The following ZRANB3 variants were observed in gnomAD, a reference collection of about 807,000 sequenced individuals.
ZRANB3 encodes zinc finger RANBP2-type containing 3.
ZRANB3 carries 125 observed loss-of-function variants against 133.8 expected under a neutral mutation model. The observed-to-expected ratio is 0.93, with a 90% CI of 0.81 to 1.08. ZRANB3 has a LOEUF of 1.08. ZRANB3 is among the 50% of genes least tolerant of loss of function. The pLI, the probability that ZRANB3 is intolerant of heterozygous loss-of-function variation, is 0.00. For missense variants in ZRANB3, 1,229 were observed against 1,275.5 expected, an observed-to-expected ratio of 0.96 and a Z score of 0.56; for synonymous variants, 387 against 432.7, an observed-to-expected ratio of 0.89 and a Z score of 1.31.
At position 135,275,709 on chromosome 2, in the gene ZRANB3, G is replaced by A. The variant is rs61733463; in HGVS notation, c.1013C>T (p.Ser338Leu). The A allele has an allele frequency of 7.7e-4, 1,233 of 1,605,094 alleles. 3 individuals carry two copies. The African/African-American group carries it at 7.7e-3, about 10-fold the overall frequency. ...DYIKMMLQND[S>L]LKFLVFAHHL... ...GTGAGCAAAAACCAGAAATTTAAGC[G>A]AATCATTCTGAAGCATCATCTTAAT... Residue 338 changes from serine to leucine, a missense_variant, in exon 9 of 21, where the codon TCG becomes TTG. Coordinates refer to ENST00000264159, the MANE Select transcript of ZRANB3 (RefSeq NM_032143.4).
chr2:135,292,109 C>T (rs1435391151), intron 8 of ZRANB3, among the ~76,000 whole-genome samples: 1 of 152,008 alleles, frequency 6.6e-6, no homozygotes, highest in South Asian at 2.1e-4. Context: ...GGGTATATAC[C>T]CAGTAATGGG....
At chr2:135,486,198 CT>C (rs1692113052) in intron 2 of ZRANB3, among the ~76,000 whole-genome samples, 1 of 152,130 alleles carries the variant, frequency 6.6e-6, no homozygotes, top group Non-Finnish European at 1.5e-5. Flanking sequence ...GCATACACTG[CT>C]GTTTGAAAGC....
chr2:135,466,890 T>C (rs954248215), intron 2 of ZRANB3, among the ~76,000 whole-genome samples: 10 of 152,090 alleles, frequency 6.6e-5, no homozygotes, highest in Non-Finnish European at 1.5e-5. Context: ...TTGCCCAGGC[T>C]GCAAGTGATC....
chr2:135,211,642 C>G (rs1221607673), intron 17 of ZRANB3, among the ~76,000 whole-genome samples: 1 of 152,152 alleles, frequency 6.6e-6, no homozygotes, highest in Admixed American at 6.5e-5. Context: ...ATACACTAAT[C>G]TTCACCTTGC....
chr2:135,315,014 A>T (rs1683185427), intron 7 of ZRANB3, among the ~76,000 whole-genome samples: 1 of 152,050 alleles, frequency 6.6e-6, no homozygotes, highest in South Asian at 2.1e-4. Flanking sequence ...TGATCTGCCC[A>T]CCTCAGCCTC....
chr2:135,216,668 G>A (rs1694325910), intron 17 of ZRANB3, among the ~76,000 whole-genome samples: 1 of 151,218 alleles, frequency 6.6e-6, no homozygotes, highest in Non-Finnish European at 1.5e-5. Context: ...TTGAACTCCT[G>A]GGCTCATGCA....
chr2:135,436,447 C>G (rs1689535553), intron 2 of ZRANB3, among the ~76,000 whole-genome samples: 1 of 152,104 alleles, frequency 6.6e-6, no homozygotes, highest in Non-Finnish European at 1.5e-5. Flanking sequence ...ACAAAAATCA[C>G]TAGCATTCCC....
intron 10 of ZRANB3, chr2:135,271,244 A>G: frequency 2.1e-6 from 1 of 466,002 alleles, no homozygotes. Flanking sequence ...TGTCTACATA[A>G]GAGAATTAAA....
intron 14 of ZRANB3, among the ~76,000 whole-genome samples, chr2:135,226,862 C>G (rs1418362965): frequency 6.6e-6 from 1 of 152,178 alleles, no homozygotes; most frequent in African/African-American, 2.4e-5. Flanking sequence ...TCTACACTGT[C>G]TACTTAAAAG....
At chr2:135,468,622 G>A (rs1415281101) in intron 2 of ZRANB3, among the ~76,000 whole-genome samples, 1 of 152,150 alleles carries the variant, frequency 6.6e-6, no homozygotes, top group Non-Finnish European at 1.5e-5. Context: ...TATTTGAACT[G>A]CCACCAGAAA....
At chr2:135,391,684 A>G (rs895711437) in intron 2 of ZRANB3, among the ~76,000 whole-genome samples, 12 of 148,566 alleles carry the variant, frequency 8.1e-5, no homozygotes, top group African/African-American at 3.0e-4. Context: ...GGTTCATGCT[A>G]TTCTCCTGCC....
At chr2:135,494,264 C>T (rs1341274011) in intron 2 of ZRANB3, among the ~76,000 whole-genome samples, 6 of 135,744 alleles carry the variant, frequency 4.4e-5, no homozygotes, top group Admixed American at 8.0e-5. Flanking sequence ...GCTGAGATCG[C>T]GCCACTGCAC....
rs1558826228 is a variant in ZRANB3 at position 135,204,719 on chromosome 2, TTA to T, written c.3010-1758_3010-1757del. Among the ~76,000 whole-genome samples the T allele has an allele frequency of 1.3e-3, 184 of 146,200 alleles. 2 individuals are homozygous for T. Among genetic ancestry groups the T allele is most frequent in the African/African-American group, 4.1e-3 (164 of 40,376 alleles). On this transcript the variant is annotated intron_variant, in intron 19 of 20. Transcript: ENST00000264159. ...ACAATAATATATATTATATGTTTTA[TTA>T]TATATTATTATAAATATATATTTAT...
intron 2 of ZRANB3, among the ~76,000 whole-genome samples, chr2:135,488,162 G>T (rs1692205080): frequency 6.6e-6 from 1 of 152,142 alleles, no homozygotes; most frequent in African/African-American, 2.4e-5. Context: ...CGGTGGAGCA[G>T]TTAGAACACA....
At chr2:135,445,270 C>A (rs1312357801) in intron 2 of ZRANB3, among the ~76,000 whole-genome samples, 2 of 151,724 alleles carry the variant, frequency 1.3e-5, no homozygotes, top group East Asian at 3.9e-4. Flanking sequence ...ATAATGAAAC[C>A]CCATCTCTAC....
At chr2:135,330,482 G>A (rs1558921641) in intron 6 of ZRANB3, among the ~76,000 whole-genome samples, 2 of 152,124 alleles carry the variant, frequency 1.3e-5, no homozygotes, top group African/African-American at 4.8e-5. Flanking sequence ...TTTTCGCATC[G>A]ATGTTCATCA....
At chr2:135,282,397 T>G (rs946944072) in intron 8 of ZRANB3, among the ~76,000 whole-genome samples, 2 of 152,194 alleles carry the variant, frequency 1.3e-5, no homozygotes, top group African/African-American at 4.8e-5. Flanking sequence ...TCAAATCTGT[T>G]AGTAAACATT....
chr2:135,278,817 T>A (rs540418091), intron 8 of ZRANB3, among the ~76,000 whole-genome samples: 61 of 152,252 alleles, frequency 4.0e-4, no homozygotes, highest in African/African-American at 1.4e-3. Flanking sequence ...ATAAATATGG[T>A]TCTAATAATA....
At chr2:135,344,223 AC>A (rs1462876030) in intron 6 of ZRANB3, among the ~76,000 whole-genome samples, 1 of 152,184 alleles carries the variant, frequency 6.6e-6, no homozygotes. Flanking sequence ...AGATAAAGTT[AC>A]TTTTCTAAAA....
Sources: gnomAD v4.1 joint callset for allele counts (sites outside exome capture counted in the v4.1 genomes callset) on GRCh38, gnomAD v4.1.1 for gene constraint, MANE v1.5 for transcripts, NCBI Gene and HGNC (gene_info 2026-07-23, HGNC 2026-07-21) for gene names.